Variants in SH3GL2 observed in about 807,000 individuals in gnomAD.
SH3GL2 encodes SH3 domain containing GRB2 like 2, endophilin A1.
A neutral mutation model predicts 46.0 loss-of-function variants in SH3GL2; 24 were observed. The ratio of observed to expected loss-of-function variants is 0.52; its 90% confidence interval spans 0.38 to 0.73. The LOEUF (loss-of-function observed/expected upper bound fraction) is 0.73, where lower values mean the gene tolerates loss of function less well. SH3GL2 is among the 30% of genes least tolerant of loss of function. The pLI, the probability that SH3GL2 is intolerant of heterozygous loss-of-function variation, is 0.00. For missense variants in SH3GL2, 413 were observed against 424.2 expected, an observed-to-expected ratio of 0.97 and a Z score of 0.23; for synonymous variants, 196 against 147.1, an observed-to-expected ratio of 1.33 and a Z score of -2.40.
chr9:17,626,983 A>G (rs1001752276), intron 1 of SH3GL2, among the ~76,000 whole-genome samples: 1 of 151,556 alleles, frequency 6.6e-6, no homozygotes, highest in Non-Finnish European at 1.5e-5. Flanking sequence ...ATCTTCTTTA[A>G]CCTCCACTTT....
intron 1 of SH3GL2, among the ~76,000 whole-genome samples, chr9:17,635,835 C>G (rs1001484888): frequency 2.0e-5 from 3 of 152,070 alleles, no homozygotes; most frequent in Admixed American, 6.6e-5. Flanking sequence ...GCTTCCAACT[C>G]AAGTTGAGTA....
chr9:17,676,084 G>A lies in SH3GL2; in HGVS notation c.46-70982G>A, dbSNP rs183582794. 1.6e-3 allele frequency among the ~76,000 whole-genome samples: 238 copies of A among 152,304 alleles called. 1 individual carries two copies. Among genetic ancestry groups the A allele is most frequent in the Non-Finnish European group, 2.8e-3 (190 of 68,014 alleles). ...GAGAGTGAGAGAAAGCAAAAGATTT[G>A]GCTAGAAGAAGGGAGAGAAATACAT... On this transcript the variant is annotated intron_variant, in intron 1 of 8. Coordinates refer to ENST00000380607, the MANE Select transcript of SH3GL2 (RefSeq NM_003026.5).
At chr9:17,637,116 T>C (rs2134635549) in intron 1 of SH3GL2, among the ~76,000 whole-genome samples, 1 of 152,266 alleles carries the variant, frequency 6.6e-6, no homozygotes, top group African/African-American at 2.4e-5. Flanking sequence ...TTGAGTGGAG[T>C]TTGCAGTAAA....
chr9:17,795,023 G>C (rs1824237927), intron 8 of SH3GL2, among the ~76,000 whole-genome samples: 1 of 152,168 alleles, frequency 6.6e-6, no homozygotes, highest in Admixed American at 6.5e-5. Context: ...CATTACAGCA[G>C]TTTTCCAGAG....
chr9:17,675,423 C>G (rs1820581207), intron 1 of SH3GL2, among the ~76,000 whole-genome samples: 2 of 152,114 alleles, frequency 1.3e-5, no homozygotes, highest in South Asian at 2.1e-4. Flanking sequence ...TCACATAAAG[C>G]TAAAGAAATT....
At chr9:17,642,019 G>A (rs780846158) in intron 1 of SH3GL2, among the ~76,000 whole-genome samples, 4 of 152,162 alleles carry the variant, frequency 2.6e-5, no homozygotes, top group Admixed American at 6.6e-5. Flanking sequence ...TCACCACACT[G>A]TCTTGCCCAA....
chr9:17,741,696 G>A (rs10756911), intron 1 of SH3GL2, among the ~76,000 whole-genome samples: 147,637 of 152,322 alleles, frequency 0.97, 71,606 homozygotes, highest in East Asian at 1. Flanking sequence ...TTCAAGCGCT[G>A]TGTTAATTAC....
chr9:17,699,704 C>T (rs918011190), intron 1 of SH3GL2, among the ~76,000 whole-genome samples: 2 of 152,214 alleles, frequency 1.3e-5, no homozygotes, highest in African/African-American at 4.8e-5. Flanking sequence ...CCACGTGCCT[C>T]TTTGAACAAG....
intron 1 of SH3GL2, among the ~76,000 whole-genome samples, chr9:17,610,424 A>G (rs1184104711): frequency 6.6e-6 from 1 of 152,186 alleles, no homozygotes; most frequent in Admixed American, 6.5e-5. Flanking sequence ...TATATTCTCA[A>G]AGAGTATACA....
chr9:17,772,001 A>G (rs1056721313), intron 3 of SH3GL2, among the ~76,000 whole-genome samples: 1 of 152,200 alleles, frequency 6.6e-6, no homozygotes, highest in African/African-American at 2.4e-5. Flanking sequence ...TCATTACAGT[A>G]TAACTCTTTC....
chr9:17,787,304 A>C, intron 4 of SH3GL2, 76 bp from the exon 5 acceptor site: 1 of 1,223,198 alleles, frequency 8.2e-7, no homozygotes, highest in Non-Finnish European at 1.2e-6. Flanking sequence ...TTGGGTTTTC[A>C]TCTGTGAAGG....
intron 2 of SH3GL2, among the ~76,000 whole-genome samples, chr9:17,749,644 C>G (rs918852336): frequency 1.3e-5 from 2 of 152,188 alleles, no homozygotes; most frequent in East Asian, 1.9e-4. Flanking sequence ...AGCTAACTTC[C>G]TGTTTCTTAA....
rs140805470 is a variant in SH3GL2 at position 17,788,268 on chromosome 9, C to G, written c.465+755C>G. Among the ~76,000 whole-genome samples, 24 of 152,130 alleles carry G rather than the reference C, an allele frequency of 1.6e-4. No homozygotes were observed. The East Asian group carries it at 4.6e-3, about 29-fold the overall frequency. ...AGAGTTAGTAAGTGACAGACTGACCCTAAATCCAAAATAGAACTCTGACTC... is the reference window on the plus strand; with the variant it reads ...AGAGTTAGTAAGTGACAGACTGACCGTAAATCCAAAATAGAACTCTGACTC... On this transcript the variant is annotated intron_variant, in intron 5 of 8. Coordinates refer to ENST00000380607, the MANE Select transcript of SH3GL2 (RefSeq NM_003026.5).
At chr9:17,697,817 C>A (rs1314273964) in intron 1 of SH3GL2, among the ~76,000 whole-genome samples, 1 of 152,154 alleles carries the variant, frequency 6.6e-6, no homozygotes, top group African/African-American at 2.4e-5. Context: ...ATCAGTTCTC[C>A]CTGATGACTT....
At chr9:17,757,475 C>T (rs1205300994) in intron 2 of SH3GL2, among the ~76,000 whole-genome samples, 1 of 152,076 alleles carries the variant, frequency 6.6e-6, no homozygotes, top group Non-Finnish European at 1.5e-5. Flanking sequence ...AAAAAACAAC[C>T]CCATCAAAAA....
chr9:17,720,044 C>T (rs761662986), intron 1 of SH3GL2, among the ~76,000 whole-genome samples: 4 of 152,002 alleles, frequency 2.6e-5, no homozygotes, highest in Middle Eastern at 3.4e-3. Flanking sequence ...AAAACAAATA[C>T]ACAAAATCAT....
intron 1 of SH3GL2, among the ~76,000 whole-genome samples, chr9:17,634,703 C>A (rs531051938): frequency 6.6e-6 from 1 of 152,262 alleles, no homozygotes; most frequent in South Asian, 2.1e-4. Flanking sequence ...ATGGTTTGTT[C>A]ATTTCCTTTA....
intron 1 of SH3GL2, among the ~76,000 whole-genome samples, chr9:17,738,577 GAGAGA>G (rs1434839780): frequency 7.4e-5 from 6 of 81,432 alleles, no homozygotes; most frequent in East Asian, 6.4e-4. Context: ...TATATATATA[GAGAGA>G]GAGAGAGAGA....
rs150921816 is a variant in SH3GL2 at position 17,690,785 on chromosome 9, T to TA, written c.46-56280dup. On this transcript the variant is annotated intron_variant, in intron 1 of 8. Coordinates refer to ENST00000380607, the MANE Select transcript of SH3GL2 (RefSeq NM_003026.5). The stretch of plus-strand genomic sequence containing the variant: ...TAAAATACAAAGGCTGAAGAACTCA[T>TA]AGTGGAAACACATGGTCTCCATATC... 4.1e-3 allele frequency among the ~76,000 whole-genome samples: 623 copies of TA among 152,256 alleles called. 21 individuals are homozygous for TA. The East Asian group carries it at 0.084, about 21-fold the overall frequency.
Sources: gnomAD v4.1 joint callset for allele counts (sites outside exome capture counted in the v4.1 genomes callset) on GRCh38, gnomAD v4.1.1 for gene constraint, MANE v1.5 for transcripts, NCBI Gene and HGNC (gene_info 2026-07-23, HGNC 2026-07-21) for gene names.